Variants in CIROZ observed in about 807,000 individuals in gnomAD.
The protein encoded by CIROZ is ciliated left-right organizer ZP-N domains-containing protein.
the CIROZ span, among the ~76,000 whole-genome samples, chr1:10,947,141 T>C: frequency 1.3e-5 from 2 of 152,202 alleles, no homozygotes; most frequent in African/African-American, 4.8e-5. Context: ...ATCAGGAAAC[T>C]GAGGCTCAGA....
At chr1:10,958,729 C>G in the CIROZ span, 1 of 1,614,120 alleles carries the variant, frequency 6.2e-7, no homozygotes, top group South Asian at 1.1e-5. Context: ...TATTGTCCCT[C>G]CACAGGGGCA....
chr1:10,965,262 C>T, the CIROZ span, among the ~76,000 whole-genome samples: 5 of 151,684 alleles, frequency 3.3e-5, no homozygotes, highest in Non-Finnish European at 7.4e-5. Flanking sequence ...AATTCCTTCC[C>T]CCACTCCAGA....
At chr1:10,967,475 C>T in the CIROZ span, among the ~76,000 whole-genome samples, 13 of 152,296 alleles carry the variant, frequency 8.5e-5, no homozygotes, top group African/African-American at 3.1e-4. Flanking sequence ...TAACACTCCC[C>T]GATCCTGCCC....
At chr1:10,947,975 G>C in the CIROZ span, 1 of 1,613,650 alleles carries the variant, frequency 6.2e-7, no homozygotes, top group East Asian at 2.2e-5. Context: ...ATGAGGCTTC[G>C]GGTGTCAGAA....
chr1:10,974,161 C>T, the CIROZ span, among the ~76,000 whole-genome samples: 18 of 152,194 alleles, frequency 1.2e-4, no homozygotes, highest in East Asian at 2.5e-3. This position sits in a 1 kb window ranked among gnomAD's most constrained non-coding sequence, Gnocchi z 4.4. Context: ...GCCAGGGCTG[C>T]GGGCCGGGCT....
chr1:10,981,239 A>G, the CIROZ span, among the ~76,000 whole-genome samples: 1 of 152,192 alleles, frequency 6.6e-6, no homozygotes, highest in Non-Finnish European at 1.5e-5. Flanking sequence ...GCTTGAACCC[A>G]GGAGTTTAAG....
chr1:10,949,518 G>C, the CIROZ span: 24 of 1,225,422 alleles, frequency 2.0e-5, no homozygotes, highest in East Asian at 5.1e-5. Context: ...TTGGAAGAAT[G>C]GTGGTGAAAG....
chr1:10,947,756 C>T, the CIROZ span: 1 of 1,592,350 alleles, frequency 6.3e-7, no homozygotes, highest in South Asian at 1.1e-5. Context: ...TGGGCTCTGT[C>T]AGCTCCTGCT....
At chr1:10,971,127 C>T in the CIROZ span, among the ~76,000 whole-genome samples, 7 of 6,222 alleles carry the variant, frequency 1.1e-3, no homozygotes, top group African/African-American at 4.2e-3. Flanking sequence ...CCAGCCTAAG[C>T]GACAGAGCAA....
the CIROZ span, among the ~76,000 whole-genome samples, chr1:10,969,631 A>G: frequency 5.6e-4 from 85 of 152,356 alleles, no homozygotes; most frequent in African/African-American, 2.0e-3. Flanking sequence ...TCTAAGCACC[A>G]GGCAGTGTTC....
the CIROZ span, chr1:10,947,974 C>T: frequency 8.1e-6 from 13 of 1,613,534 alleles, no homozygotes; most frequent in South Asian, 7.7e-5. Flanking sequence ...GATGAGGCTT[C>T]GGGTGTCAGA....
At chr1:10,970,015 C>T in the CIROZ span, 4 of 1,536,228 alleles carry the variant, frequency 2.6e-6, no homozygotes, top group East Asian at 2.5e-5. Context: ...AGCCCCTCCA[C>T]GTGGCTCCTT....
the CIROZ span, chr1:10,957,452 G>T: frequency 2.0e-6 from 2 of 992,976 alleles, no homozygotes; most frequent in Non-Finnish European, 2.9e-6. Context: ...AGAGCGGAGC[G>T]CTTTACGCTA....
chr1:10,948,764 C>T, the CIROZ span: 34 of 1,535,576 alleles, frequency 2.2e-5, no homozygotes, highest in East Asian at 1.6e-4. Flanking sequence ...GCTGAGCTTG[C>T]ACCACTCTGG....
chr1:10,974,356 T>C, the CIROZ span, among the ~76,000 whole-genome samples: 1 of 152,120 alleles, frequency 6.6e-6, no homozygotes, highest in African/African-American at 2.4e-5. This position sits in a 1 kb window ranked among gnomAD's most constrained non-coding sequence, Gnocchi z 4.4. Context: ...ATGAGTTGAG[T>C]ACCCTCTCTG....
the CIROZ span, among the ~76,000 whole-genome samples, chr1:10,977,027 C>T: frequency 8.6e-5 from 13 of 151,882 alleles, no homozygotes; most frequent in Non-Finnish European, 1.6e-4. Context: ...GGCATGGTGG[C>T]GCATGCCTGT....
the CIROZ span, among the ~76,000 whole-genome samples, chr1:10,976,700 GAA>G: frequency 0.033 from 3,362 of 102,876 alleles, 134 homozygotes; most frequent in African/African-American, 0.099. Context: ...GCCAAGAGAC[GAA>G]AAAAAAAAAA....
At chr1:10,980,319 G>GGCTGCCCC in the CIROZ span, among the ~76,000 whole-genome samples, 1 of 152,332 alleles carries the variant, frequency 6.6e-6, no homozygotes, top group Non-Finnish European at 1.5e-5. Flanking sequence ...GCGGCTGCCT[G>GGCTGCCCC]GCTGCCCCGC....
chr1:10,966,137 G>A, the CIROZ span, among the ~76,000 whole-genome samples: 1 of 152,120 alleles, frequency 6.6e-6, no homozygotes, highest in African/African-American at 2.4e-5. Flanking sequence ...AGAGAAGGGG[G>A]GATTCTCAGG....
Sources: gnomAD v4.1 joint callset for allele counts (sites outside exome capture counted in the v4.1 genomes callset) on GRCh38, gnomAD v4.1.1 for gene constraint, Gnocchi (gnomAD v3.1) non-coding constraint, MANE v1.5 for transcripts, NCBI Gene and HGNC (gene_info 2026-07-23, HGNC 2026-07-21) for gene names.